The following STK3 variants were observed in gnomAD, a reference collection of about 807,000 sequenced individuals.
STK3 encodes the protein serine/threonine kinase 3.
A neutral mutation model predicts 58.0 loss-of-function variants in STK3; 41 were observed. The observed-to-expected ratio is 0.71, with a 90% CI of 0.55 to 0.92. STK3 has a LOEUF of 0.92. Ranked by LOEUF, STK3 falls within the 40% of genes least tolerant of loss-of-function variation. The pLI is 0.00. For synonymous variants in STK3, 170 were observed against 191.0 expected, an observed-to-expected ratio of 0.89 and a Z score of 0.91; for missense variants, 479 against 602.7, an observed-to-expected ratio of 0.79 and a Z score of 2.15.
intron 4 of STK3, among the ~76,000 whole-genome samples, chr8:98,737,031 A>G (rs553572956): frequency 2.3e-4 from 35 of 152,310 alleles, no homozygotes; most frequent in Non-Finnish European, 4.1e-4. Context: ...AACAACATCC[A>G]TCTGGGTCCA....
chr8:98,754,955 T>C (rs574103607), intron 3 of STK3, among the ~76,000 whole-genome samples: 14 of 152,132 alleles, frequency 9.2e-5, no homozygotes, highest in Non-Finnish European at 1.8e-4. Flanking sequence ...ATGCTAAGGG[T>C]AGAAGTGACA....
In STK3 at chr8:98,840,849, T is replaced by C. The variant is rs150320080; in HGVS notation, c.110+42798A>G. 2.1e-3 allele frequency among the ~76,000 whole-genome samples: 312 copies of C among 152,100 alleles called. 2 individuals are homozygous for C. Among genetic ancestry groups the C allele is most frequent in the Middle Eastern group, 0.01 (3 of 294 alleles). ...CTGCAGTTGAGGCACCAGCCCTGTG[T>C]CTCTCCCAAGGCTTTAGTCAAGGTG... is the stretch of plus-strand genomic sequence containing the variant. On this transcript the variant is annotated intron_variant, in intron 3 of 12. Coordinates refer to the STK3 transcript ENST00000523601.
chr8:98,750,433 A>T (rs1829897839), intron 3 of STK3, among the ~76,000 whole-genome samples: 1 of 151,988 alleles, frequency 6.6e-6, no homozygotes. Context: ...CACAAATGTA[A>T]GATAAATATG....
exon 1 of STK3, chr8:98,388,207 A>G (rs1268267895): frequency 6.6e-6 from 1 of 152,236 alleles, no homozygotes; most frequent in Non-Finnish European, 1.5e-5. Context: ...CAGGTAGCCA[A>G]ATAGTTGATG....
intron 6 of STK3, among the ~76,000 whole-genome samples, chr8:98,656,088 A>G (rs1821479315): frequency 6.6e-6 from 1 of 152,210 alleles, no homozygotes; most frequent in Non-Finnish European, 1.5e-5. Flanking sequence ...ACCAACCTAA[A>G]TGTCCAACAA....
chr8:98,824,238 T>G (rs1249248687), intron 1 of STK3, among the ~76,000 whole-genome samples: 1 of 152,218 alleles, frequency 6.6e-6, no homozygotes, highest in East Asian at 1.9e-4. Flanking sequence ...ACCACCACTT[T>G]GAAAAGTATA....
chr8:98,354,937 C>T, the STK3 span, among the ~76,000 whole-genome samples: 1 of 152,154 alleles, frequency 6.6e-6, no homozygotes, highest in South Asian at 2.1e-4. Flanking sequence ...GCAACCACGC[C>T]TGGCTAATTT....
chr8:98,369,203 G>A (rs367567019), downstream of STK3, among the ~76,000 whole-genome samples: 2 of 152,312 alleles, frequency 1.3e-5, no homozygotes, highest in African/African-American at 4.8e-5. Flanking sequence ...TGAACCAAAG[G>A]AGTGAAGCCC....
At chr8:98,736,505 C>A (rs950269975) in intron 4 of STK3, among the ~76,000 whole-genome samples, 3 of 152,096 alleles carry the variant, frequency 2.0e-5, no homozygotes, top group African/African-American at 7.2e-5. Flanking sequence ...ATACATCAGG[C>A]TAAAAAATTT....
At chr8:98,451,332 G>A (rs1191752024), downstream of STK3, among the ~76,000 whole-genome samples, 2 of 152,070 alleles carry the variant, frequency 1.3e-5, no homozygotes, top group Admixed American at 6.6e-5. Flanking sequence ...ATAAAATAAT[G>A]ATATAGAGAG....
chr8:98,748,923 C>T (rs899085260), intron 4 of STK3, among the ~76,000 whole-genome samples: 3 of 151,482 alleles, frequency 2.0e-5, no homozygotes, highest in Admixed American at 2.0e-4. Flanking sequence ...TACGTAAATA[C>T]CATGAATATT....
rs149029237 is a variant in STK3 at position 98,700,994 on chromosome 8, A to C, written c.684+5473T>G. ...CTCCAGCCTGGGTGACACAGCGAGA[A>C]TCCATCAAGGAAAAAAATACAAAAA... On this transcript the variant is annotated intron_variant, in intron 6 of 10. Coordinates refer to ENST00000419617, the MANE Select transcript of STK3 (RefSeq NM_006281.4). 9.2e-3 allele frequency among the ~76,000 whole-genome samples: 1,399 copies of C among 152,176 alleles called. 18 individuals are homozygous for C. The highest frequency in any genetic ancestry group is 0.032 in the African/African-American group (1,322 of 41,520).
chr8:98,848,710 C>G (rs1836313723), intron 3 of STK3, among the ~76,000 whole-genome samples: 1 of 152,090 alleles, frequency 6.6e-6, no homozygotes, highest in Non-Finnish European at 1.5e-5. Flanking sequence ...GATAATATTC[C>G]TTTGTGTGGA....
At chr8:98,472,200 C>T (rs1013282033) in intron 10 of STK3, among the ~76,000 whole-genome samples, 3 of 152,136 alleles carry the variant, frequency 2.0e-5, no homozygotes, top group African/African-American at 7.2e-5. Flanking sequence ...AATTTTGGAG[C>T]TGGCACTCTT....
chr8:98,489,581 T>G (rs1056962771), intron 10 of STK3, among the ~76,000 whole-genome samples: 9 of 152,216 alleles, frequency 5.9e-5, no homozygotes, highest in African/African-American at 2.2e-4. Flanking sequence ...ATATTTTTTC[T>G]ATTACCTTTT....
Position 98,609,331 on chromosome 8 carries a change from T to C in STK3, c.685-13162A>G, listed in dbSNP as rs1816997147. Among the ~76,000 whole-genome samples the C allele has an allele frequency of 3.9e-5, 6 of 152,324 alleles. No homozygotes were observed. In the South Asian group the frequency reaches 1.2e-3, roughly 32 times the overall value. ...AATAATTCTAGGCATTTTAACAGCATAATAACTCCTCAAAAAAAGAAGTGT... is the reference window on the plus strand; with the variant it reads ...AATAATTCTAGGCATTTTAACAGCACAATAACTCCTCAAAAAAAGAAGTGT... On this transcript the variant is annotated intron_variant, in intron 6 of 10. Coordinates refer to ENST00000419617, the MANE Select transcript of STK3 (RefSeq NM_006281.4).
chr8:98,829,111 G>C (rs1401027121), upstream of STK3, among the ~76,000 whole-genome samples: 1 of 152,212 alleles, frequency 6.6e-6, no homozygotes, highest in Non-Finnish European at 1.5e-5. Flanking sequence ...GAGGGAGAAA[G>C]GAGGGTGAGG....
At chr8:98,892,088 A>G (rs1838221712) in intron 1 of STK3, among the ~76,000 whole-genome samples, 1 of 152,164 alleles carries the variant, frequency 6.6e-6, no homozygotes, top group Non-Finnish European at 1.5e-5. Context: ...AAAAAAATCT[A>G]TGCTATAGAC....
chr8:98,533,653 A>T (rs1303489273), intron 9 of STK3, among the ~76,000 whole-genome samples: 1 of 151,998 alleles, frequency 6.6e-6, no homozygotes, highest in Admixed American at 6.6e-5. Flanking sequence ...ACACTCGGTT[A>T]ATTTTTGTTT....
Sources: gnomAD v4.1 joint callset for allele counts (sites outside exome capture counted in the v4.1 genomes callset) on GRCh38, gnomAD v4.1.1 for gene constraint, MANE v1.5 for transcripts, NCBI Gene and HGNC (gene_info 2026-07-23, HGNC 2026-07-21) for gene names.